MARCHF1: variants seen among roughly 807,000 people sequenced by gnomAD.
MARCHF1 encodes membrane associated ring-CH-type finger 1, also known as E3 ubiquitin-protein ligase MARCHF1.
MARCHF1 carries 40 observed loss-of-function variants against 54.2 expected under a neutral mutation model. That is an observed-to-expected ratio of 0.74 (90% confidence interval 0.57 to 0.96). The LOEUF is 0.96. Ranked by LOEUF, MARCHF1 falls within the 40% of genes least tolerant of loss-of-function variation. MARCHF1 has a pLI of 0.00. For synonymous variants in MARCHF1, 236 were observed against 236.3 expected (o/e 1.00, Z 0.01); for missense variants, 586 against 656.5 (o/e 0.89, Z 1.17).
intron 1 of MARCHF1, among the ~76,000 whole-genome samples, chr4:164,139,185 T>C (rs1756466891): frequency 6.6e-6 from 1 of 152,048 alleles, no homozygotes; most frequent in Non-Finnish European, 1.5e-5. Flanking sequence ...CCTGATAATA[T>C]GTAATAATAA....
At chr4:164,013,005 C>T (rs111543646) in intron 2 of MARCHF1, among the ~76,000 whole-genome samples, 1 of 152,072 alleles carries the variant, frequency 6.6e-6, no homozygotes, top group Non-Finnish European at 1.5e-5. Flanking sequence ...CCCTCAAGCA[C>T]CAAGAACACT....
chr4:163,725,470 A>C (rs1182974183), intron 4 of MARCHF1, among the ~76,000 whole-genome samples: 2 of 149,368 alleles, frequency 1.3e-5, no homozygotes, highest in African/African-American at 5.0e-5. Context: ...AGAGTGAGAC[A>C]CTATCTCCAA....
intron 1 of MARCHF1, among the ~76,000 whole-genome samples, chr4:164,371,422 C>A (rs1731034815): frequency 6.6e-6 from 1 of 152,070 alleles, no homozygotes; most frequent in Admixed American, 6.6e-5. Flanking sequence ...ATTTCAAAAT[C>A]TCTATACAAA....
chr4:164,320,925 A>G (rs1294552474), intron 1 of MARCHF1, among the ~76,000 whole-genome samples: 1 of 152,106 alleles, frequency 6.6e-6, no homozygotes, highest in Non-Finnish European at 1.5e-5. Flanking sequence ...GTGTCAGCAA[A>G]GCGTTGGCTA....
intron 1 of MARCHF1, among the ~76,000 whole-genome samples, chr4:164,236,041 ACT>A (rs1732543472): frequency 6.6e-6 from 1 of 152,016 alleles, no homozygotes; most frequent in African/African-American, 2.4e-5. Flanking sequence ...AGGAAGCAAT[ACT>A]CTCAATAGAA....
Position 163,926,752 on chromosome 4 carries a change from A to T in MARCHF1, c.-39+61749T>A, listed in dbSNP as rs556123445. Reference sequence around the variant, plus strand: ...TGATACTAAGACATTTATATTTTAAAGAGTTTTTAAAGAAAAAGAGGAATG... The same window carrying T: ...TGATACTAAGACATTTATATTTTAATGAGTTTTTAAAGAAAAAGAGGAATG... On this transcript the variant is annotated intron_variant, in intron 3 of 9. Coordinates refer to ENST00000514618, the MANE Select transcript of MARCHF1 (RefSeq NM_001394959.1). Among the ~76,000 whole-genome samples the T allele has an allele frequency of 7.2e-5, 11 of 151,812 alleles. No homozygotes were observed. The South Asian group carries it at 2.1e-3, about 29-fold the overall frequency.
At chr4:164,347,347 T>A (rs368019563) in intron 1 of MARCHF1, among the ~76,000 whole-genome samples, 8 of 152,152 alleles carry the variant, frequency 5.3e-5, no homozygotes, top group East Asian at 3.8e-4. Context: ...TGGTGACTTG[T>A]ATGGCTGAAG....
intron 1 of MARCHF1, among the ~76,000 whole-genome samples, chr4:164,340,049 C>G (rs944025658): frequency 8.6e-5 from 13 of 151,840 alleles, no homozygotes; most frequent in Non-Finnish European, 1.5e-4. Flanking sequence ...AGTAAGGAGA[C>G]TGAATAAGCA....
chr4:164,169,276 C>T (rs541094823), intron 1 of MARCHF1, among the ~76,000 whole-genome samples: 77 of 152,090 alleles, frequency 5.1e-4, no homozygotes, highest in Non-Finnish European at 8.2e-4. Flanking sequence ...TACTCAAGAC[C>T]CTTGCCTTTG....
At chr4:163,763,755 T>C (rs1036458356) in intron 4 of MARCHF1, among the ~76,000 whole-genome samples, 1 of 152,098 alleles carries the variant, frequency 6.6e-6, no homozygotes, top group African/African-American at 2.4e-5. Flanking sequence ...TAGCTCTGCT[T>C]TCAAATTAAT....
chr4:164,148,502 C>T (rs1172289511), intron 1 of MARCHF1, among the ~76,000 whole-genome samples: 1 of 152,008 alleles, frequency 6.6e-6, no homozygotes, highest in East Asian at 1.9e-4. Flanking sequence ...TTTCTTTATT[C>T]ATACTTTGCT....
At chr4:164,176,980 CTATA>C (rs71595261) in intron 1 of MARCHF1, among the ~76,000 whole-genome samples, 1,008 of 58,596 alleles carry the variant, frequency 0.017, 39 homozygotes, top group East Asian at 0.13. Context: ...CTCTCTCTCT[CTATA>C]TATATATATA....
chr4:163,924,100 G>A lies in MARCHF1; in HGVS notation c.-39+64401C>T, dbSNP rs547513223. ...TGCAAAGAACTGTGCTTGATGCATG[G>A]AGTGTAGAAAGGTTTGCACAACATT... On this transcript the variant is annotated intron_variant, in intron 3 of 9. Coordinates refer to ENST00000514618, the MANE Select transcript of MARCHF1 (RefSeq NM_001394959.1). Among the ~76,000 whole-genome samples, 376 of 152,150 alleles carry A rather than the reference G, an allele frequency of 2.5e-3. 1 individual carries two copies. The highest frequency in any genetic ancestry group is 3.9e-3 in the Non-Finnish European group (262 of 67,952).
intron 1 of MARCHF1, among the ~76,000 whole-genome samples, chr4:164,254,810 G>C (rs916097709): frequency 7.2e-5 from 11 of 152,148 alleles, no homozygotes; most frequent in Admixed American, 5.2e-4. Flanking sequence ...AAGCTGATTA[G>C]GTTGTGCCCA....
intron 8 of MARCHF1, among the ~76,000 whole-genome samples, chr4:163,547,322 C>T (rs1037165656): frequency 2.0e-5 from 3 of 152,234 alleles, no homozygotes; most frequent in Non-Finnish European, 4.4e-5. Flanking sequence ...TTAGAGTCGG[C>T]ATTGTGCCCA....
intron 1 of MARCHF1, chr4:164,189,680 T>A: frequency 3.1e-6 from 3 of 967,980 alleles, no homozygotes; most frequent in Non-Finnish European, 5.1e-6. Context: ...ATGATCAAAC[T>A]GATTCCAAGG....
At chr4:164,254,205 C>A (rs1335479360) in intron 1 of MARCHF1, among the ~76,000 whole-genome samples, 1 of 151,754 alleles carries the variant, frequency 6.6e-6, no homozygotes, top group Non-Finnish European at 1.5e-5. Context: ...GTGTGTGCCA[C>A]CATGCCTGGC....
At chr4:163,575,666 T>G (rs1408708800) in intron 8 of MARCHF1, among the ~76,000 whole-genome samples, 1 of 152,010 alleles carries the variant, frequency 6.6e-6, no homozygotes, top group Non-Finnish European at 1.5e-5. Context: ...TAGCTGTAAA[T>G]CCATCTGGTT....
chr4:164,039,683 A>T (rs993053032), intron 2 of MARCHF1, among the ~76,000 whole-genome samples: 2 of 148,010 alleles, frequency 1.4e-5, no homozygotes, highest in Admixed American at 1.3e-4. Context: ...ACATACAGAT[A>T]AAAAAAAAGC....
Sources: gnomAD v4.1 joint callset for allele counts (sites outside exome capture counted in the v4.1 genomes callset) on GRCh38, gnomAD v4.1.1 for gene constraint, MANE v1.5 for transcripts, NCBI Gene and HGNC (gene_info 2026-07-23, HGNC 2026-07-21) for gene names.